PDZD2: variants seen among roughly 807,000 people sequenced by gnomAD.
The protein encoded by PDZD2 is PDZ domain containing 2, also known as PDZ domain-containing protein 2.
In PDZD2, 90 loss-of-function variants were observed where a neutral mutation model predicts 220.7. The observed-to-expected ratio is 0.41, with a 90% confidence interval of 0.34 to 0.49. The LOEUF (loss-of-function observed/expected upper bound fraction) is 0.49. PDZD2 is among the 20% of genes least tolerant of loss of function. PDZD2 has a pLI of 0.28. For missense variants in PDZD2, 3,174 were observed against 3,608.5 expected (o/e 0.88, Z 3.08); for synonymous variants, 1,375 against 1,450.5 (o/e 0.95, Z 1.18).
At chr5:31,817,901 T>C (rs1561482861) in intron 2 of PDZD2, among the ~76,000 whole-genome samples, 2 of 151,678 alleles carry the variant, frequency 1.3e-5, no homozygotes, top group African/African-American at 2.4e-5. Context: ...TGACCTCAGG[T>C]GATCCGCCTG....
intron 1 of PDZD2, among the ~76,000 whole-genome samples, chr5:31,670,624 T>C (rs936943567): frequency 3.3e-5 from 5 of 151,844 alleles, no homozygotes; most frequent in African/African-American, 1.2e-4. Context: ...GGTTTCACCA[T>C]GTTGGTCATG....
In PDZD2 at chr5:32,002,834, AAC is replaced by A. The variant is rs546859125; in HGVS notation, c.1254+2570_1254+2571del. Among the ~76,000 whole-genome samples the A allele has an allele frequency of 7.6e-4, 73 of 96,310 alleles. 1 individual carries two copies. Among genetic ancestry groups the A allele is most frequent in the African/African-American group, 3.0e-3 (70 of 23,444 alleles). The allele number at this position is 96,310 out of a possible 152,430, so 63.2% of individuals were successfully genotyped here. ...CCAACACACACCACACATACATACC[AAC>A]ACACACCACACACCAACACACACAC... On this transcript the variant is annotated intron_variant, in intron 5 of 24. Transcript: ENST00000438447.
chr5:31,849,920 A>T (rs1473097969), intron 2 of PDZD2, among the ~76,000 whole-genome samples: 4 of 20,152 alleles, frequency 2.0e-4, no homozygotes, highest in South Asian at 1.6e-3. Flanking sequence ...ATATATATAC[A>T]TATATATATA....
At chr5:31,662,147 CTAAAAA>C (rs1157253250) in intron 1 of PDZD2, among the ~76,000 whole-genome samples, 2 of 151,772 alleles carry the variant, frequency 1.3e-5, no homozygotes, top group African/African-American at 4.8e-5. Flanking sequence ...CCCGTCTCTA[CTAAAAA>C]TACAAAAATT....
chr5:32,073,828 C>T lies in PDZD2; in HGVS notation c.2726-4C>T. 1 of 1,596,746 alleles carries T rather than the reference C, an allele frequency of 6.3e-7. No homozygotes were observed. The highest frequency in any genetic ancestry group is 8.5e-7 in the Non-Finnish European group (1 of 1,172,816). On this transcript the variant is annotated splice_polypyrimidine_tract_variant and splice_region_variant and intron_variant, in intron 17 of 24. Transcript: ENST00000438447. ...CTTGACTTTTCTGTCCCCACCTCCA[C>T]CAGCTCACAAGGAGCCTGGAAAACC...
chr5:31,728,790 T>C (rs980280079), intron 1 of PDZD2, among the ~76,000 whole-genome samples: 3 of 152,258 alleles, frequency 2.0e-5, no homozygotes, highest in Non-Finnish European at 4.4e-5. Flanking sequence ...CATTATTGAT[T>C]AATTTCTATT....
At chr5:31,655,469 C>T (rs1054622212) in intron 1 of PDZD2, among the ~76,000 whole-genome samples, 1 of 152,266 alleles carries the variant, frequency 6.6e-6, no homozygotes, top group Middle Eastern at 3.4e-3. Context: ...CTGCGCCCGG[C>T]CTAGTTTTTT....
At chr5:31,868,366 G>A (rs1705517386) in intron 2 of PDZD2, among the ~76,000 whole-genome samples, 8 of 152,132 alleles carry the variant, frequency 5.3e-5, no homozygotes, top group Admixed American at 5.2e-4. Context: ...AATCGCTTGG[G>A]CCTGGGAGGT....
At chr5:31,711,299 C>T (rs1014923498) in intron 1 of PDZD2, among the ~76,000 whole-genome samples, 2 of 152,198 alleles carry the variant, frequency 1.3e-5, no homozygotes, top group African/African-American at 4.8e-5. Context: ...ACTACTAAAC[C>T]AGAACATGTA....
intron 1 of PDZD2, chr5:31,692,981 C>T (rs1747204530): frequency 6.6e-6 from 1 of 152,436 alleles, no homozygotes; most frequent in Non-Finnish European, 1.5e-5. Context: ...TTAGGTTAAG[C>T]GGCTTGTTTG....
At chr5:31,673,116 G>A (rs55998640) in intron 1 of PDZD2, among the ~76,000 whole-genome samples, 5,422 of 152,210 alleles carry the variant, frequency 0.036, 108 homozygotes, top group Admixed American at 0.04. Flanking sequence ...AAGGGGAAGG[G>A]GCAGCTGACC....
At chr5:31,759,389 T>G (rs1174591285) in intron 1 of PDZD2, among the ~76,000 whole-genome samples, 1 of 152,142 alleles carries the variant, frequency 6.6e-6, no homozygotes, top group African/African-American at 2.4e-5. Context: ...AAATTTTGCT[T>G]TAGCCTGATT....
chr5:31,828,544 G>A (rs1231787941), intron 2 of PDZD2, among the ~76,000 whole-genome samples: 1 of 152,196 alleles, frequency 6.6e-6, no homozygotes, highest in East Asian at 1.9e-4. Context: ...CTGGAGTGCA[G>A]TGGCATGAGT....
In PDZD2 at chr5:31,860,784, A is replaced by G. The variant is rs117898368; in HGVS notation, c.476+61060A>G. On this transcript the variant is annotated intron_variant, in intron 2 of 24. Transcript: ENST00000438447. ...CTGTACGGAGTATTGGGCAGAAGGC[A>G]TTTCTGAACATATTTGATGCTATGA... Among the ~76,000 whole-genome samples, 662 of 152,294 alleles carry G rather than the reference A, an allele frequency of 4.3e-3. 27 individuals are homozygous for G. Among genetic ancestry groups the G allele is most frequent in the Admixed American group, 0.033 (501 of 15,292 alleles).
chr5:31,686,387 C>T (rs1048586387), intron 1 of PDZD2, among the ~76,000 whole-genome samples: 6 of 150,720 alleles, frequency 4.0e-5, no homozygotes, highest in African/African-American at 7.3e-5. Context: ...CTTTCTGAGA[C>T]GGAGTCTCAC....
intron 2 of PDZD2, among the ~76,000 whole-genome samples, chr5:31,851,949 T>C (rs1488910382): frequency 6.6e-6 from 1 of 151,612 alleles, no homozygotes; most frequent in Non-Finnish European, 1.5e-5. Flanking sequence ...CTCCGCCTCC[T>C]GGGTTGAAGT....
At chr5:31,769,071 A>G (rs1752195158) in intron 1 of PDZD2, among the ~76,000 whole-genome samples, 1 of 152,288 alleles carries the variant, frequency 6.6e-6, no homozygotes, top group Non-Finnish European at 1.5e-5. Flanking sequence ...TGCAGGGGAG[A>G]CGATGCTCAG....
intron 2 of PDZD2, among the ~76,000 whole-genome samples, chr5:31,860,587 TCA>T (rs754457267): frequency 1.1e-4 from 17 of 152,168 alleles, no homozygotes; most frequent in Non-Finnish European, 2.5e-4. Flanking sequence ...AACCCTCCTC[TCA>T]GTTTCTCCTT....
At chr5:31,900,261 G>A (rs1415778280) in intron 2 of PDZD2, among the ~76,000 whole-genome samples, 1 of 152,196 alleles carries the variant, frequency 6.6e-6, no homozygotes, top group South Asian at 2.1e-4. Flanking sequence ...TAGTCCTGGG[G>A]TTGTGTCAGG....
Sources: gnomAD v4.1 joint callset for allele counts (sites outside exome capture counted in the v4.1 genomes callset) on GRCh38, gnomAD v4.1.1 for gene constraint, MANE v1.5 for transcripts, NCBI Gene and HGNC (gene_info 2026-07-23, HGNC 2026-07-21) for gene names.